The following ROBO2 variants were observed in gnomAD, a reference collection of about 807,000 sequenced individuals.
ROBO2 encodes the protein roundabout homolog 2.
Under a neutral mutation model 160.8 loss-of-function variants are expected in ROBO2, and 53 were observed. The ratio of observed to expected loss-of-function variants is 0.33; its 90% confidence interval spans 0.26 to 0.41. The LOEUF (loss-of-function observed/expected upper bound fraction) is 0.41. ROBO2 is among the 10% of genes least tolerant of loss of function. The probability of loss-of-function intolerance (pLI) is 1.00; values close to 1 mark genes in which losing one functional copy is unlikely to be tolerated. For missense variants in ROBO2, 1,577 were observed against 1,722.4 expected (o/e 0.92, Z 1.49); for synonymous variants, 664 against 611.7 (o/e 1.09, Z -1.26).
intron 2 of ROBO2, among the ~76,000 whole-genome samples, chr3:77,341,745 C>G (rs2067083839): frequency 6.6e-6 from 1 of 151,794 alleles, no homozygotes; most frequent in Non-Finnish European, 1.5e-5. Flanking sequence ...TAAAACAACA[C>G]AAGTAAGTAC....
chr3:76,917,741 G>A (rs948477759), intron 2 of ROBO2, among the ~76,000 whole-genome samples: 2 of 132,624 alleles, frequency 1.5e-5, no homozygotes, highest in Non-Finnish European at 1.6e-5. Flanking sequence ...AATATCTGGT[G>A]AGCTAAAAAA....
chr3:76,567,598 A>C (rs1198237872), intron 2 of ROBO2, among the ~76,000 whole-genome samples: 1 of 130,192 alleles, frequency 7.7e-6, no homozygotes, highest in Admixed American at 8.5e-5. Context: ...ATTAGGCTAT[A>C]TTTATGCTAT....
At chr3:77,127,097 T>C (rs2075408487) in intron 2 of ROBO2, among the ~76,000 whole-genome samples, 1 of 152,044 alleles carries the variant, frequency 6.6e-6, no homozygotes, top group Non-Finnish European at 1.5e-5. Flanking sequence ...CCGAAACTTC[T>C]TTTTTTCTTA....
At chr3:76,725,664 A>G (rs1182479443) in intron 2 of ROBO2, among the ~76,000 whole-genome samples, 1 of 152,164 alleles carries the variant, frequency 6.6e-6, no homozygotes, top group Non-Finnish European at 1.5e-5. Flanking sequence ...CCCTGAGTCA[A>G]CGTAGTCATA....
At chr3:76,822,754 G>A (rs2066231504) in intron 2 of ROBO2, among the ~76,000 whole-genome samples, 1 of 151,398 alleles carries the variant, frequency 6.6e-6, no homozygotes. Context: ...GGCAAAAAGG[G>A]GAAAAGAAGG....
At chr3:77,269,747 G>A (rs2059368682) in intron 2 of ROBO2, among the ~76,000 whole-genome samples, 1 of 152,106 alleles carries the variant, frequency 6.6e-6, no homozygotes, top group Non-Finnish European at 1.5e-5. Flanking sequence ...TTGACAACAA[G>A]AAAGGATGAA....
chr3:76,961,264 A>AAAAAC (rs2079639783), intron 2 of ROBO2, among the ~76,000 whole-genome samples: 1 of 151,604 alleles, frequency 6.6e-6, no homozygotes, highest in African/African-American at 2.4e-5. Context: ...AAAAAAAAAA[A>AAAAAC]AAAACACTAG....
chr3:77,602,437 A>G lies in ROBO2; in HGVS notation c.3082A>G (p.Thr1028Ala), dbSNP rs778446389. ...ATGGAAAAGCTCAATTCAGCAAAAA[A>G]CAGATCTGATGGGATTTGGTTATTC... The change falls in exon 20 of 26, where the codon ACA (threonine) becomes GCA (alanine). Residue 1028 changes from threonine (T) to alanine (A), a missense_variant. Physicochemically the swap from Thr to Ala is moderately conservative, Grantham distance 58. Around this residue, in one of 2 missense-constraint regions of ROBO2, gnomAD observed 637 missense variants for 586.9 expected, o/e 1.09. Transcript: ENST00000461745. The G allele has an allele frequency of 2.5e-6, 4 of 1,614,088 alleles. No individual in the cohort carries two copies. In the Admixed American group the frequency reaches 6.7e-5, roughly 27 times the overall value.
intron 2 of ROBO2, among the ~76,000 whole-genome samples, chr3:76,827,041 G>T (rs992945421): frequency 2.0e-5 from 3 of 152,192 alleles, no homozygotes; most frequent in African/African-American, 7.2e-5. Flanking sequence ...ACATTAACTT[G>T]TCGCACATGA....
chr3:77,034,362 A>G (rs2063500657), intron 2 of ROBO2, among the ~76,000 whole-genome samples: 2 of 148,594 alleles, frequency 1.3e-5, no homozygotes, highest in African/African-American at 5.0e-5. Flanking sequence ...CAACTTAAGA[A>G]CTTAGTATTC....
intron 2 of ROBO2, among the ~76,000 whole-genome samples, chr3:76,649,842 T>C (rs2091169597): frequency 6.6e-6 from 1 of 152,140 alleles, no homozygotes; most frequent in Non-Finnish European, 1.5e-5. Context: ...GGCACGACTC[T>C]TATAAAACCA....
At chr3:76,518,445 G>C (rs2081444093) in intron 2 of ROBO2, among the ~76,000 whole-genome samples, 1 of 152,118 alleles carries the variant, frequency 6.6e-6, no homozygotes, top group African/African-American at 2.4e-5. Context: ...GGAAAGGTAA[G>C]AGTGTGCTCC....
chr3:76,610,065 A>C (rs1475585633), intron 2 of ROBO2, among the ~76,000 whole-genome samples: 2 of 152,238 alleles, frequency 1.3e-5, no homozygotes, highest in African/African-American at 4.8e-5. Flanking sequence ...CCGCTTGGTC[A>C]TGATGAAAAA....
At chr3:76,716,895 C>A (rs1472216996) in intron 2 of ROBO2, among the ~76,000 whole-genome samples, 2 of 152,174 alleles carry the variant, frequency 1.3e-5, no homozygotes, top group South Asian at 2.1e-4. Flanking sequence ...CTGTTTAAGT[C>A]ATGTCTACTC....
intron 2 of ROBO2, among the ~76,000 whole-genome samples, chr3:77,100,146 A>G (rs1038862945): frequency 6.6e-6 from 1 of 152,114 alleles, no homozygotes; most frequent in African/African-American, 2.4e-5. Flanking sequence ...TCTGGTGGGA[A>G]TATTTTAAAC....
At chr3:76,989,714 T>G (rs1385043201) in intron 2 of ROBO2, among the ~76,000 whole-genome samples, 1 of 152,152 alleles carries the variant, frequency 6.6e-6, no homozygotes, top group Non-Finnish European at 1.5e-5. Flanking sequence ...TCAGTAAGAC[T>G]GGGTATTTAT....
intron 18 of ROBO2, among the ~76,000 whole-genome samples, chr3:77,595,725 A>G (rs532534008): frequency 1.4e-3 from 207 of 152,280 alleles, no homozygotes; most frequent in African/African-American, 4.9e-3. Context: ...ATAACTTCCA[A>G]TCTCCCATTT....
At chr3:76,839,134 A>C (rs1343616636) in intron 2 of ROBO2, among the ~76,000 whole-genome samples, 2 of 152,160 alleles carry the variant, frequency 1.3e-5, no homozygotes, top group Non-Finnish European at 2.9e-5. Flanking sequence ...GTAGTCACTC[A>C]AATTATTACT....
chr3:76,189,197 G>T (rs1356663867), intron 2 of ROBO2, among the ~76,000 whole-genome samples: 1 of 151,998 alleles, frequency 6.6e-6, no homozygotes, highest in Non-Finnish European at 1.5e-5. Flanking sequence ...ACTAAAATGG[G>T]AAATGAGTAC....
Sources: gnomAD v4.1 joint callset for allele counts (sites outside exome capture counted in the v4.1 genomes callset) on GRCh38, gnomAD v4.1.1 for gene constraint, gnomAD v4.1.1 regional missense constraint, MANE v1.5 for transcripts, NCBI Gene and HGNC (gene_info 2026-07-23, HGNC 2026-07-21) for gene names.